LAMTOR1: variants seen among roughly 807,000 people sequenced by gnomAD.
LAMTOR1 encodes late endosomal/lysosomal adaptor, MAPK and MTOR activator 1.
A neutral mutation model predicts 20.5 loss-of-function variants in LAMTOR1; 8 were observed. That is an observed-to-expected ratio of 0.39 (90% CI 0.23 to 0.70). The LOEUF (loss-of-function observed/expected upper bound fraction) is 0.70, where lower values mean the gene tolerates loss of function less well. LAMTOR1 is among the 30% of genes least tolerant of loss of function. LAMTOR1 has a pLI of 0.43. For synonymous variants in LAMTOR1, 77 were observed against 80.9 expected (o/e 0.95, Z 0.26); for missense variants, 135 against 206.2 (o/e 0.65, Z 2.11).
At position 72,098,275 on chromosome 11, in the gene LAMTOR1, G is replaced by A; in HGVS notation, c.393+14C>T. 1.2e-6 allele frequency: 2 copies of A among 1,613,490 alleles called. No homozygotes were observed. The highest frequency in any genetic ancestry group is 1.7e-6 in the Non-Finnish European group (2 of 1,179,874). ...GTGAGAAGGGTGGGCAGGGGCAGGT[G>A]AGGGGTGTCTCACCTGCTGCAAATC... On this transcript the variant is annotated intron_variant, in intron 4 of 4. Coordinates refer to ENST00000278671, the MANE Select transcript of LAMTOR1 (RefSeq NM_017907.3).
At chr11:72,102,420 G>A (rs1365623449) in intron 1 of LAMTOR1, among the ~76,000 whole-genome samples, 1 of 152,148 alleles carries the variant, frequency 6.6e-6, no homozygotes, top group African/African-American at 2.4e-5. Context: ...GGTCTCCCCA[G>A]CCTAACCCTT....
In LAMTOR1 at chr11:72,101,053, G is replaced by A. The variant is rs180840534; in HGVS notation, c.43-1797C>T. Among the ~76,000 whole-genome samples, 25 of 152,356 alleles carry A rather than the reference G, an allele frequency of 1.6e-4. No homozygotes were observed. The East Asian group carries it at 3.7e-3, about 22-fold the overall frequency. ...AGCTTCCTATGTGTCTGTCCTCCCA[G>A]CTCCACTTCAGACAGATCTTCCTGC... On this transcript the variant is annotated intron_variant, in intron 1 of 4. Transcript: ENST00000278671.
chr11:72,100,099 CA>C (rs113785507), intron 1 of LAMTOR1, among the ~76,000 whole-genome samples: 25 of 142,946 alleles, frequency 1.7e-4, no homozygotes, highest in Non-Finnish European at 2.3e-4. Flanking sequence ...CTCGTCTTTG[CA>C]AAAAAAAAAA....
At chr11:72,102,262 G>T (rs1243848355) in intron 1 of LAMTOR1, among the ~76,000 whole-genome samples, 2 of 152,192 alleles carry the variant, frequency 1.3e-5, no homozygotes, top group African/African-American at 4.8e-5. Flanking sequence ...TTCAAATGTA[G>T]AATCCGGGCT....
At chr11:72,099,541 A>G (rs531670332) in intron 1 of LAMTOR1, among the ~76,000 whole-genome samples, 2 of 152,280 alleles carry the variant, frequency 1.3e-5, no homozygotes, top group African/African-American at 4.8e-5. Flanking sequence ...ACAGCCCTGG[A>G]GCTTGAAAAA....
chr11:72,100,374 C>G (rs1201094113), intron 1 of LAMTOR1, among the ~76,000 whole-genome samples: 1 of 152,200 alleles, frequency 6.6e-6, no homozygotes, highest in Admixed American at 6.5e-5. Context: ...AACCCCTGAA[C>G]TAATGTAAGA....
intron 4 of LAMTOR1, 120 bp downstream of exon 4, chr11:72,098,169 A>T: frequency 7.5e-7 from 1 of 1,338,708 alleles, no homozygotes; most frequent in Non-Finnish European, 1.0e-6. Context: ...GGGGCCTACA[A>T]GGCTACCAGG....
chr11:72,098,548 T>G, intron 3 of LAMTOR1, 133 bp from the exon 4 acceptor site: 1 of 1,154,718 alleles, frequency 8.7e-7, no homozygotes, highest in Non-Finnish European at 1.2e-6. Context: ...AGGTCTCAGC[T>G]CATCACAGAC....
intron 1 of LAMTOR1, among the ~76,000 whole-genome samples, chr11:72,101,854 C>T (rs1025768701): frequency 2.0e-5 from 3 of 152,162 alleles, no homozygotes; most frequent in Non-Finnish European, 4.4e-5. Context: ...CTTTCTCATA[C>T]GGCATTAATC....
In LAMTOR1 at chr11:72,103,281, A is replaced by T; in HGVS notation, c.-57T>A. 6.5e-7 allele frequency: 1 copy of T among 1,541,328 alleles called. No individual in the cohort carries two copies. The highest frequency in any genetic ancestry group is 8.7e-7 in the Non-Finnish European group (1 of 1,143,236). On this transcript the variant is annotated 5_prime_UTR_variant, in exon 1 of 5. Transcript: ENST00000278671. ...CCGAGGAGGGACGGCGTCCGTGAGG[A>T]GCCCTTCCGGTCACATGACCCGCGG... is the stretch of plus-strand genomic sequence containing the variant.
Position 72,103,167 on chromosome 11 carries a change from C to T in LAMTOR1, c.42+16G>A, listed in dbSNP as rs1228227561. The T allele has an allele frequency of 6.3e-7, 1 of 1,583,574 alleles. No homozygotes were observed. Among genetic ancestry groups the T allele is most frequent in the Non-Finnish European group, 8.6e-7 (1 of 1,165,552 alleles). Reference sequence around the variant, plus strand: ...TCTTAGCCCTCATTCCCGAGCCCCGCCTGCCGCGGCCGCACCTGGTCCGAG... The same window carrying T: ...TCTTAGCCCTCATTCCCGAGCCCCGTCTGCCGCGGCCGCACCTGGTCCGAG... On this transcript the variant is annotated intron_variant, in intron 1 of 4. Coordinates refer to ENST00000278671, the MANE Select transcript of LAMTOR1 (RefSeq NM_017907.3).
rs1057508004 is a variant in LAMTOR1 at position 72,097,535 on chromosome 11, C to T, written c.*287G>A. 8.3e-7 allele frequency: 1 copy of T among 1,198,410 alleles called. No homozygotes were observed. The highest frequency in any genetic ancestry group is 1.0e-6 in the Non-Finnish European group (1 of 956,398). The allele number at this position is 1,198,410 out of a possible 1,614,324, so 74.2% of individuals were successfully genotyped here. On this transcript the variant is annotated 3_prime_UTR_variant, in exon 5 of 5. Transcript: ENST00000278671. Reference sequence around the variant, plus strand: ...CCCTAGGTCCCCTGGTGATCACCCCCCACCCAAACTGGTATCTCCACATTC... The same window carrying T: ...CCCTAGGTCCCCTGGTGATCACCCCTCACCCAAACTGGTATCTCCACATTC...
Position 72,103,240 on chromosome 11 carries a change from G to T in LAMTOR1, c.-16C>A. The T allele has an allele frequency of 6.4e-7, 1 of 1,554,780 alleles. No individual in the cohort carries two copies. The highest frequency in any genetic ancestry group is 8.7e-7 in the Non-Finnish European group (1 of 1,149,000). On this transcript the variant is annotated 5_prime_UTR_variant, in exon 1 of 5. Coordinates refer to ENST00000278671, the MANE Select transcript of LAMTOR1 (RefSeq NM_017907.3). ...AGCACCCCATGGCCGGGGTCGGGCC[G>T]GGCGCTCAGGCCGCGCCGAGGAGGG...
rs1481227804 is a variant in LAMTOR1 at position 72,103,293 on chromosome 11, C to A, written c.-69G>T. The A allele has an allele frequency of 6.6e-7, 1 of 1,519,074 alleles. No individual in the cohort carries two copies. The highest frequency in any genetic ancestry group is 1.2e-5 in the South Asian group (1 of 80,624). 94.1% of individuals were successfully genotyped at this position (1,519,074 alleles called of 1,614,324 possible). A position where few individuals can be genotyped will look rare whatever the true frequency, so the allele number is the denominator to read the frequency against. On this transcript the variant is annotated 5_prime_UTR_variant, in exon 1 of 5. The change abolishes the stop of an existing upstream ORF in the 5' untranslated region. Coordinates refer to ENST00000278671, the MANE Select transcript of LAMTOR1 (RefSeq NM_017907.3). Reference sequence around the variant, plus strand: ...GGCGTCCGTGAGGAGCCCTTCCGGTCACATGACCCGCGGCGGCCTCCCGCA... The same window carrying A: ...GGCGTCCGTGAGGAGCCCTTCCGGTAACATGACCCGCGGCGGCCTCCCGCA...
Position 72,103,221 on chromosome 11 carries a change from C to A in LAMTOR1, c.4G>T (p.Gly2Trp). 6.4e-7 allele frequency: 1 copy of A among 1,568,716 alleles called. No individual in the cohort carries two copies. The highest frequency in any genetic ancestry group is 8.6e-7 in the Non-Finnish European group (1 of 1,156,648). ...TCGTTCTCGCTGCTGTAGCAGCACC[C>A]CATGGCCGGGGTCGGGCCGGGCGCT... MGCCYSSENEDS... is the reference protein window; with the variant it reads MWCCYSSENEDS... Residue 2 changes from glycine (G) to tryptophan (W), a missense_variant, in exon 1 of 5, where the codon GGG (glycine) becomes TGG (tryptophan). Coordinates refer to ENST00000278671, the MANE Select transcript of LAMTOR1 (RefSeq NM_017907.3).
intron 1 of LAMTOR1, among the ~76,000 whole-genome samples, chr11:72,101,527 A>G (rs915438544): frequency 1.2e-4 from 19 of 152,214 alleles, no homozygotes; most frequent in African/African-American, 4.6e-4. Flanking sequence ...CATAACCCAC[A>G]CTAATATGAC....
intron 1 of LAMTOR1, among the ~76,000 whole-genome samples, chr11:72,099,946 T>C (rs1945378738): frequency 6.6e-6 from 1 of 152,204 alleles, no homozygotes; most frequent in African/African-American, 2.4e-5. Flanking sequence ...AAACTGAGTG[T>C]ACATGGTGTA....
At position 72,097,609 on chromosome 11, in the gene LAMTOR1, C is replaced by T. The variant is rs12137; in HGVS notation, c.*213G>A. 12,717 of 1,380,818 alleles carry T rather than the reference C, an allele frequency of 9.2e-3. 93 individuals carry two copies. Among genetic ancestry groups the T allele is most frequent in the Non-Finnish European group, 9.5e-3 (10,170 of 1,065,494 alleles). 85.5% of individuals were successfully genotyped at this position (1,380,818 alleles called of 1,614,324 possible). A position where few individuals can be genotyped will look rare whatever the true frequency, so the allele number is the denominator to read the frequency against. On this transcript the variant is annotated 3_prime_UTR_variant, in exon 5 of 5. Transcript: ENST00000278671. ...GGCTCTGTCCTTTTGGCCCCCACCC[C>T]ATCCCTGGCCAGAGCTTCAAAGGCC...
chr11:72,101,633 A>G (rs1945442815), intron 1 of LAMTOR1, among the ~76,000 whole-genome samples: 1 of 152,202 alleles, frequency 6.6e-6, no homozygotes, highest in African/African-American at 2.4e-5. Context: ...GACAGAGATG[A>G]GAGTCGGAGA....
Sources: gnomAD v4.1 joint callset for allele counts (sites outside exome capture counted in the v4.1 genomes callset) on GRCh38, gnomAD v4.1.1 for gene constraint, MANE v1.5 for transcripts, NCBI Gene and HGNC (gene_info 2026-07-23, HGNC 2026-07-21) for gene names.